The following RIMS2 variants were observed in gnomAD, a reference collection of about 807,000 sequenced individuals.
RIMS2 encodes regulating synaptic membrane exocytosis 2.
A neutral mutation model predicts 174.4 loss-of-function variants in RIMS2; 59 were observed. The ratio of observed to expected loss-of-function variants is 0.34; its 90% CI spans 0.27 to 0.42. RIMS2 has a LOEUF of 0.42. Among genes scored for constraint, RIMS2 ranks in the 10% least tolerant of loss-of-function variants. The probability of loss-of-function intolerance (pLI) is 1.00; values close to 1 mark genes in which losing one functional copy is unlikely to be tolerated. For synonymous variants in RIMS2, 606 were observed against 572.5 expected (o/e 1.06, Z -0.84); for missense variants, 1,620 against 1,666.3 (o/e 0.97, Z 0.48).
At position 104,072,740 on chromosome 8, in the gene RIMS2, A is replaced by G. The variant is rs920491965; in HGVS notation, c.3334+58125A>G. ...GACTTCTGCATTGATAGTTTTAAAT[A>G]ATTCCTACTAAATTTAAAGAAATCT... is the stretch of plus-strand genomic sequence containing the variant. On this transcript the variant is annotated intron_variant, in intron 19 of 23. Transcript: ENST00000504942. Among the ~76,000 whole-genome samples, 15 of 152,298 alleles carry G rather than the reference A, an allele frequency of 9.8e-5. No homozygotes were observed. The South Asian group carries it at 3.1e-3, about 32-fold the overall frequency.
chr8:103,524,902 A>T (rs902285511), intron 1 of RIMS2, among the ~76,000 whole-genome samples: 1 of 152,236 alleles, frequency 6.6e-6, no homozygotes, highest in African/African-American at 2.4e-5. Flanking sequence ...CTGCTCCTGC[A>T]GGAATTAGAA....
chr8:103,910,578 T>G, intron 5 of RIMS2, 49 bp downstream of exon 8: 1 of 1,113,822 alleles, frequency 9.0e-7, no homozygotes, highest in Non-Finnish European at 1.3e-6. Flanking sequence ...TTGGTCTTCG[T>G]TTGCTCTCTG....
chr8:103,880,006 C>T (rs1337924064), intron 3 of RIMS2, among the ~76,000 whole-genome samples: 1 of 151,450 alleles, frequency 6.6e-6, no homozygotes, highest in Non-Finnish European at 1.5e-5. Context: ...GTTAATGGAG[C>T]ACATTACTTT....
At chr8:103,656,439 C>A (rs10103086) in intron 1 of RIMS2, among the ~76,000 whole-genome samples, 26,734 of 151,888 alleles carry the variant, frequency 0.18, 2,557 homozygotes, top group African/African-American at 0.23. Context: ...AGAGCAGACA[C>A]AAAGATTGGT....
At chr8:103,901,374 C>T (rs923097515) in intron 4 of RIMS2, among the ~76,000 whole-genome samples, 1 of 152,118 alleles carries the variant, frequency 6.6e-6, no homozygotes, top group Non-Finnish European at 1.5e-5. Context: ...GGTTTCCCTA[C>T]TTTCAGGAAT....
At chr8:103,609,014 C>T (rs977209539) in intron 1 of RIMS2, among the ~76,000 whole-genome samples, 2 of 152,112 alleles carry the variant, frequency 1.3e-5, no homozygotes, top group African/African-American at 4.8e-5. Flanking sequence ...CTTGGCTCCT[C>T]CCTCCCATTT....
chr8:103,790,567 T>C (rs1174048379), intron 3 of RIMS2, among the ~76,000 whole-genome samples: 1 of 152,196 alleles, frequency 6.6e-6, no homozygotes, highest in Non-Finnish European at 1.5e-5. Flanking sequence ...TGTGTGTAAC[T>C]TTTTGTGTGG....
chr8:103,917,099 G>A (rs964732249), intron 8 of RIMS2, among the ~76,000 whole-genome samples: 4 of 152,024 alleles, frequency 2.6e-5, no homozygotes, highest in East Asian at 1.9e-4. Context: ...CCAAACATTA[G>A]CAATAAATAT....
intron 19 of RIMS2, among the ~76,000 whole-genome samples, chr8:104,194,040 A>G (rs2099011246): frequency 6.6e-6 from 1 of 152,226 alleles, no homozygotes; most frequent in Non-Finnish European, 1.5e-5. Context: ...TAGTGCCAAG[A>G]GCCAAAGATC....
chr8:103,567,323 C>A (rs2092440389), intron 1 of RIMS2, among the ~76,000 whole-genome samples: 1 of 152,156 alleles, frequency 6.6e-6, no homozygotes, highest in African/African-American at 2.4e-5. Flanking sequence ...CCCCATTATT[C>A]CCTCATCCCA....
intron 1 of RIMS2, among the ~76,000 whole-genome samples, chr8:103,669,244 C>T (rs765316695): frequency 3.9e-5 from 6 of 152,108 alleles, no homozygotes; most frequent in African/African-American, 7.2e-5. Flanking sequence ...ACCAAGAGAA[C>T]TGTATAGGGA....
At chr8:103,783,533 T>G (rs1444707126) in intron 3 of RIMS2, among the ~76,000 whole-genome samples, 1 of 151,892 alleles carries the variant, frequency 6.6e-6, no homozygotes. Context: ...TGGTTTTTTG[T>G]TCTTGCGATA....
chr8:103,816,344 G>A (rs570320647), intron 3 of RIMS2, among the ~76,000 whole-genome samples: 2 of 152,218 alleles, frequency 1.3e-5, no homozygotes, highest in East Asian at 1.9e-4. Context: ...GATTGAAAAA[G>A]AATTAACTTT....
intron 1 of RIMS2, among the ~76,000 whole-genome samples, chr8:103,572,519 A>T (rs981348987): frequency 7.9e-5 from 12 of 151,710 alleles, no homozygotes; most frequent in Admixed American, 6.6e-5. Context: ...TCACACCAAC[A>T]GTATGTAAGC....
chr8:103,642,135 T>A (rs1406022812), intron 1 of RIMS2, among the ~76,000 whole-genome samples: 6 of 152,196 alleles, frequency 3.9e-5, no homozygotes, highest in Admixed American at 3.9e-4. Flanking sequence ...TTTTATCTTC[T>A]AATTTTTCTC....
chr8:104,029,640 A>T (rs1019848205), intron 19 of RIMS2, among the ~76,000 whole-genome samples: 4 of 152,312 alleles, frequency 2.6e-5, no homozygotes, highest in South Asian at 2.1e-4. Flanking sequence ...CACATTTCAG[A>T]AAATGCTGTC....
chr8:104,022,746 G>A (rs1053378582), intron 19 of RIMS2, among the ~76,000 whole-genome samples: 3 of 152,114 alleles, frequency 2.0e-5, no homozygotes, highest in Admixed American at 6.6e-5. Flanking sequence ...GTTTTCTAGT[G>A]ACAATGATTA....
chr8:104,105,382 T>C (rs2098026141), intron 19 of RIMS2, among the ~76,000 whole-genome samples: 1 of 152,144 alleles, frequency 6.6e-6, no homozygotes, highest in Non-Finnish European at 1.5e-5. Context: ...AAACAGCATG[T>C]TCAAGAAAGT....
intron 1 of RIMS2, among the ~76,000 whole-genome samples, chr8:103,583,981 A>G (rs28805348): frequency 0.18 from 27,699 of 152,162 alleles, 2,771 homozygotes; most frequent in African/African-American, 0.26. Flanking sequence ...ATAGAACTAA[A>G]GCAGTACTCC....
Sources: allele counts gnomAD v4.1 joint callset (sites outside exome capture counted in the v4.1 genomes callset), GRCh38; gene constraint gnomAD v4.1.1; transcripts MANE v1.5; gene names NCBI Gene and HGNC (gene_info 2026-07-23, HGNC 2026-07-21).